ASPRV1: variants seen among roughly 807,000 people sequenced by gnomAD.
ASPRV1 encodes aspartic peptidase retroviral like 1, also known as retroviral-like aspartic protease 1.
A neutral mutation model predicts 11.0 loss-of-function variants in ASPRV1; 7 were observed. The ratio of observed to expected loss-of-function variants is 0.64; its 90% CI spans 0.36 to 1.20. ASPRV1 has a LOEUF of 1.20. Among genes scored for constraint, ASPRV1 ranks in the 50% most tolerant of loss-of-function variants. The probability of loss-of-function intolerance (pLI) is 0.02; values close to 1 mark genes in which losing one functional copy is unlikely to be tolerated. For missense variants in ASPRV1, 299 were observed against 320.0 expected, an observed-to-expected ratio of 0.93 and a Z score of 0.50; for synonymous variants, 136 against 138.4, an observed-to-expected ratio of 0.98 and a Z score of 0.12.
chr2:70,085,182 A>G, the ASPRV1 span, among the ~76,000 whole-genome samples: 1 of 152,166 alleles, frequency 6.6e-6, no homozygotes, highest in Non-Finnish European at 1.5e-5. Context: ...AGTCAAGCCC[A>G]TGGGGAGCTG....
At chr2:69,995,005 A>C in the ASPRV1 span, among the ~76,000 whole-genome samples, 3 of 151,094 alleles carry the variant, frequency 2.0e-5, no homozygotes, top group African/African-American at 7.3e-5. Context: ...CCGTCTCAAA[A>C]AATAAATAAA....
chr2:70,056,056 C>G, the ASPRV1 span: 1 of 152,138 alleles, frequency 6.6e-6, no homozygotes, highest in Non-Finnish European at 1.5e-5. Context: ...TGAATGAACC[C>G]TAACACATTA....
chr2:70,062,677 G>A, the ASPRV1 span, among the ~76,000 whole-genome samples: 2 of 152,082 alleles, frequency 1.3e-5, no homozygotes, highest in Non-Finnish European at 2.9e-5. Context: ...CCTATATCCC[G>A]GCAACTTGGG....
the ASPRV1 span, among the ~76,000 whole-genome samples, chr2:70,074,449 T>C: frequency 3.6e-4 from 55 of 151,548 alleles, no homozygotes; most frequent in African/African-American, 1.3e-3. Context: ...CCACCACACC[T>C]GGCCTTTTTT....
At chr2:70,018,659 A>G in the ASPRV1 span, among the ~76,000 whole-genome samples, 6 of 152,222 alleles carry the variant, frequency 3.9e-5, no homozygotes, top group Admixed American at 3.9e-4. Flanking sequence ...AGGTCCCAAG[A>G]ACACACACTG....
the ASPRV1 span, among the ~76,000 whole-genome samples, chr2:70,017,567 T>G: frequency 6.6e-6 from 1 of 152,182 alleles, no homozygotes; most frequent in African/African-American, 2.4e-5. Context: ...AAATAAAATT[T>G]GTCCAAATCG....
At chr2:70,028,603 A>G in the ASPRV1 span, 1 of 152,134 alleles carries the variant, frequency 6.6e-6, no homozygotes, top group Admixed American at 6.5e-5. Flanking sequence ...TTAATCCCCA[A>G]TGCATCAGTG....
At chr2:70,011,343 CAG>C in the ASPRV1 span, among the ~76,000 whole-genome samples, 1 of 151,776 alleles carries the variant, frequency 6.6e-6, no homozygotes, top group Non-Finnish European at 1.5e-5. Context: ...AGGTTGAAAA[CAG>C]GGGGCAGGGG....
chr2:70,057,758 C>T, the ASPRV1 span, among the ~76,000 whole-genome samples: 1 of 151,866 alleles, frequency 6.6e-6, no homozygotes, highest in Admixed American at 6.6e-5. Context: ...GGATTATAGG[C>T]ATGAGCCACT....
the ASPRV1 span, chr2:70,055,995 GATT>G: frequency 6.6e-6 from 1 of 152,136 alleles, no homozygotes; most frequent in Non-Finnish European, 1.5e-5. Context: ...ACATAAAATG[GATT>G]ATTATTCAAC....
the ASPRV1 span, among the ~76,000 whole-genome samples, chr2:70,061,367 C>A: frequency 6.7e-6 from 1 of 150,302 alleles, no homozygotes; most frequent in Non-Finnish European, 1.5e-5. Flanking sequence ...TGCACTCCAG[C>A]CTGGGTGATA....
At chr2:70,053,196 C>T in the ASPRV1 span, among the ~76,000 whole-genome samples, 3 of 152,114 alleles carry the variant, frequency 2.0e-5, no homozygotes, top group East Asian at 5.8e-4. Flanking sequence ...TAGTTTGATT[C>T]AAACATTTTC....
At chr2:70,004,204 TA>T in the ASPRV1 span, among the ~76,000 whole-genome samples, 3 of 151,970 alleles carry the variant, frequency 2.0e-5, no homozygotes, top group Non-Finnish European at 4.4e-5. Flanking sequence ...AGAAGAGGAA[TA>T]GGGACCAACT....
At chr2:69,935,320 C>G in the ASPRV1 span, 1 of 1,538,552 alleles carries the variant, frequency 6.5e-7, no homozygotes, top group South Asian at 1.1e-5. Flanking sequence ...CTGTGAAACT[C>G]TCAAATGCTA....
chr2:70,008,642 T>C, the ASPRV1 span, among the ~76,000 whole-genome samples: 3 of 152,014 alleles, frequency 2.0e-5, no homozygotes, highest in Non-Finnish European at 4.4e-5. Context: ...TGTGTGTTTT[T>C]TTTTTTTTAA....
the ASPRV1 span, chr2:70,046,818 C>A: frequency 6.6e-6 from 1 of 152,142 alleles, no homozygotes; most frequent in Non-Finnish European, 1.5e-5. Flanking sequence ...AGAACAACAA[C>A]AACAACAAAT....
the ASPRV1 span, among the ~76,000 whole-genome samples, chr2:70,019,917 CA>C: frequency 6.6e-6 from 1 of 151,494 alleles, no homozygotes; most frequent in Non-Finnish European, 1.5e-5. Flanking sequence ...GGTCTTATCA[CA>C]AAAAAATGGG....
At chr2:70,071,249 GCA>G in the ASPRV1 span, among the ~76,000 whole-genome samples, 4 of 152,200 alleles carry the variant, frequency 2.6e-5, no homozygotes, top group African/African-American at 9.6e-5. Flanking sequence ...CCTAAGTGAA[GCA>G]CAGATTTGTC....
chr2:70,046,272 G>C, the ASPRV1 span: 2 of 152,128 alleles, frequency 1.3e-5, no homozygotes, highest in Non-Finnish European at 2.9e-5. Context: ...TCTGACTATG[G>C]TCACAGCCTT....
Sources: allele counts gnomAD v4.1 joint callset (sites outside exome capture counted in the v4.1 genomes callset), GRCh38; gene constraint gnomAD v4.1.1; transcripts MANE v1.5; gene names NCBI Gene and HGNC (gene_info 2026-07-23, HGNC 2026-07-21).